Variants in COL4A5 observed in about 807,000 individuals in gnomAD.
The protein encoded by COL4A5 is collagen alpha-5(IV) chain.
A neutral mutation model predicts 130.2 loss-of-function variants in COL4A5; 26 were observed. That is an observed-to-expected ratio of 0.20 (90% confidence interval 0.15 to 0.28). The LOEUF (loss-of-function observed/expected upper bound fraction) is 0.28, where lower values mean the gene tolerates loss of function less well. Ranked by LOEUF, COL4A5 falls within the 10% of genes least tolerant of loss-of-function variation. The pLI is 1.00. For synonymous variants in COL4A5, 496 were observed against 439.6 expected, an observed-to-expected ratio of 1.13 and a Z score of -1.60; for missense variants, 1,131 against 1,344.3, an observed-to-expected ratio of 0.84 and a Z score of 2.48.
intron 1 of COL4A5, among the ~76,000 whole-genome samples, chrX:108,519,638 TTATTG>T (rs2065248641): frequency 9.0e-6 from 1 of 111,485 alleles, no homozygotes; most frequent in African/African-American, 3.2e-5. Flanking sequence ...AATATGTTGC[TTATTG>T]TATTGTCAGG....
intron 1 of COL4A5, among the ~76,000 whole-genome samples, chrX:108,443,265 G>A (rs930222383): frequency 7.1e-5 from 8 of 112,073 alleles, no homozygotes; most frequent in African/African-American, 2.6e-4. Context: ...CAATCTAAAA[G>A]CAAATGCTGT....
chrX:108,670,627 T>G, intron 42 of COL4A5: 2 of 335,340 alleles, frequency 6.0e-6, no homozygotes, highest in South Asian at 5.4e-5. Flanking sequence ...AACAATAATA[T>G]GTATTATCAG....
chrX:108,579,452 T>G (rs1238395652), intron 13 of COL4A5, among the ~76,000 whole-genome samples: 1 of 112,334 alleles, frequency 8.9e-6, no homozygotes, highest in Non-Finnish European at 1.9e-5. Flanking sequence ...TATTTCCATT[T>G]TTGGCTATTT....
intron 1 of COL4A5, among the ~76,000 whole-genome samples, chrX:108,463,848 G>A (rs2064677125): frequency 8.9e-6 from 1 of 112,084 alleles, no homozygotes; most frequent in Non-Finnish European, 1.9e-5. Context: ...CAGAGGATGA[G>A]CAATTGGAAA....
At chrX:108,505,678 C>T (rs958342341) in intron 1 of COL4A5, among the ~76,000 whole-genome samples, 1 of 112,010 alleles carries the variant, frequency 8.9e-6, no homozygotes, top group African/African-American at 3.2e-5. Flanking sequence ...GACCCCTCAC[C>T]AGAAATCACA....
intron 31 of COL4A5, among the ~76,000 whole-genome samples, chrX:108,621,251 C>A (rs958577359): frequency 6.5e-5 from 7 of 107,166 alleles, no homozygotes; most frequent in Non-Finnish European, 1.3e-4. Flanking sequence ...AACCCCTGGG[C>A]TCAAGCCATC....
In COL4A5 at chrX:108,695,417, G is replaced by C. The variant is rs2068718130; in HGVS notation, c.4972G>C (p.Val1658Leu). ...CTCCTACAGCTTTTGGCTGGCAACTGTAGATGTGTCAGACATGTTCAGGTA... is the reference window on the plus strand; with the variant it reads ...CTCCTACAGCTTTTGGCTGGCAACTCTAGATGTGTCAGACATGTTCAGGTA... ...ANSYSFWLATVDVSDMFSKPQ... is the reference protein window; with the variant it reads ...ANSYSFWLATLDVSDMFSKPQ... The change falls in exon 52 of 53, where the codon GTA (valine) becomes CTA (leucine). Residue 1658 changes from valine to leucine, a missense_variant. By Grantham distance (32) the Val-to-Leu change is conservative (BLOSUM62 1). Transcript: ENST00000328300. 1.7e-6 allele frequency: 2 copies of C among 1,211,316 alleles called. No individual in the cohort carries two copies. Among genetic ancestry groups the C allele is most frequent in the Non-Finnish European group, 2.2e-6 (2 of 895,235 alleles).
chrX:108,508,557 CAAAAAAAA>C (rs1182036182), intron 1 of COL4A5, among the ~76,000 whole-genome samples: 3 of 38,181 alleles, frequency 7.9e-5, no homozygotes, highest in East Asian at 1.6e-3. Flanking sequence ...CATGTAGGAC[CAAAAAAAA>C]AAAAAAAAAA....
intron 1 of COL4A5, among the ~76,000 whole-genome samples, chrX:108,512,616 C>T (rs188395155): frequency 4.5e-5 from 5 of 110,644 alleles, no homozygotes; most frequent in East Asian, 2.8e-4. Flanking sequence ...CCCCACAAGC[C>T]GCAAAACCAG....
chrX:108,642,276 C>T (rs753389032), intron 36 of COL4A5, among the ~76,000 whole-genome samples: 9 of 110,444 alleles, frequency 8.1e-5, no homozygotes, highest in Non-Finnish European at 1.5e-4. Flanking sequence ...CTAGCCCTGC[C>T]CCCACCTGAT....
At chrX:108,490,939 A>G (rs762634763) in intron 1 of COL4A5, among the ~76,000 whole-genome samples, 1 of 111,998 alleles carries the variant, frequency 8.9e-6, no homozygotes, top group Non-Finnish European at 1.9e-5. Flanking sequence ...GCTAAGGATG[A>G]TAGCTTCCAG....
At chrX:108,573,912 T>C (rs2066105400) in intron 9 of COL4A5, among the ~76,000 whole-genome samples, 1 of 111,349 alleles carries the variant, frequency 9.0e-6, no homozygotes, top group Non-Finnish European at 1.9e-5. Flanking sequence ...ATTCTTATTC[T>C]TGTACTGTGG....
chrX:108,625,772 C>A lies in COL4A5; in HGVS notation c.3084C>A (p.Thr1028=), dbSNP rs141043288. The change falls in exon 35 of 53, where the codon ACC becomes ACA. Residue 1028 remains threonine (T), a synonymous_variant. Coordinates refer to ENST00000328300, the MANE Select transcript of COL4A5 (RefSeq NM_033380.3). ...GLIGPPGLKG[T]IGDMGFPGPQ... is the part of the protein sequence containing the mutation. ...TAGGACCTCCTGGACTTAAAGGAAC[C>A]ATCGGTGATATGGGTTTTCCAGGTG... The A allele has an allele frequency of 8.3e-7, 1 of 1,203,383 alleles. No individual in the cohort carries two copies. The highest frequency in any genetic ancestry group is 1.8e-5 in the South Asian group (1 of 56,749).
chrX:108,682,557 G>T (rs1360809790), intron 47 of COL4A5, among the ~76,000 whole-genome samples: 1 of 111,919 alleles, frequency 8.9e-6, no homozygotes, highest in Non-Finnish European at 1.9e-5. Context: ...AGCATCTGTT[G>T]TTTCCTGACT....
At position 108,571,578 on chromosome X, in the gene COL4A5, A is replaced by G. The variant is rs1043178046; in HGVS notation, c.438+112A>G. On this transcript the variant is annotated intron_variant, in intron 7 of 52. Transcript: ENST00000328300. The stretch of plus-strand genomic sequence containing the variant: ...GGAACAAAGTAATACATTTTAAAGT[A>G]ATAAACTAGAGGAAAATGTTTCAAA... The G allele has an allele frequency of 9.1e-6, 6 of 660,047 alleles. No homozygotes were observed. The Admixed American group carries it at 9.9e-5, about 11-fold the overall frequency. The allele number at this position is 660,047 out of a possible 1,213,427, so 54.4% of individuals were successfully genotyped here.
intron 1 of COL4A5, among the ~76,000 whole-genome samples, chrX:108,537,738 C>G (rs1032126111): frequency 5.4e-5 from 6 of 111,943 alleles, no homozygotes; most frequent in Non-Finnish European, 1.1e-4. Flanking sequence ...TTCAGACATG[C>G]ATTTCAGTGT....
At chrX:108,529,700 A>T (rs1324360045) in intron 1 of COL4A5, among the ~76,000 whole-genome samples, 1 of 111,357 alleles carries the variant, frequency 9.0e-6, no homozygotes, top group Non-Finnish European at 1.9e-5. Context: ...CTGAAAGTAA[A>T]GGGATGGCAA....
At chrX:108,631,161 C>T (rs1189195249) in intron 36 of COL4A5, among the ~76,000 whole-genome samples, 1 of 111,633 alleles carries the variant, frequency 9.0e-6, no homozygotes, top group Non-Finnish European at 1.9e-5. Context: ...TCCATGTGAA[C>T]TTTAAAATAG....
At chrX:108,681,004 A>G (rs1259170870) in intron 46 of COL4A5, 48 bp downstream of exon 46, 2 of 1,066,983 alleles carry the variant, frequency 1.9e-6, no homozygotes, top group Non-Finnish European at 1.3e-6. Context: ...TAGATGCTTT[A>G]AAGAATTTGA....
Sources: allele counts gnomAD v4.1 joint callset (sites outside exome capture counted in the v4.1 genomes callset), GRCh38; gene constraint gnomAD v4.1.1; transcripts MANE v1.5; gene names NCBI Gene and HGNC (gene_info 2026-07-23, HGNC 2026-07-21).